The following CEPT1 variants were observed in gnomAD, a reference collection of about 807,000 sequenced individuals.
The protein encoded by CEPT1 is choline/ethanolamine phosphotransferase 1, also known as choline/ethanolaminephosphotransferase 1.
In CEPT1, 7 loss-of-function variants were observed where a neutral mutation model predicts 42.6. The observed-to-expected ratio is 0.16, with a 90% confidence interval of 0.09 to 0.31. CEPT1 has a LOEUF of 0.31. Among genes scored for constraint, CEPT1 ranks in the 10% least tolerant of loss-of-function variants. The pLI, the probability that CEPT1 is intolerant of heterozygous loss-of-function variation, is 1.00. For missense variants in CEPT1, 306 were observed against 502.1 expected, an observed-to-expected ratio of 0.61 and a Z score of 3.73; for synonymous variants, 171 against 171.9, an observed-to-expected ratio of 0.99 and a Z score of 0.04.
In CEPT1 at chr1:111,161,072, T is replaced by C. The variant is rs1369655615; in HGVS notation, c.488-83T>C. On this transcript the variant is annotated intron_variant, in intron 3 of 8. Coordinates refer to ENST00000357172, the MANE Select transcript of CEPT1 (RefSeq NM_006090.5). ...GAAGATTATGCATTTACAGCATATC[T>C]TTTTGTCTCATCTAAAATCATTTCC... 6 of 1,422,320 alleles carry C rather than the reference T, an allele frequency of 4.2e-6. No individual in the cohort carries two copies. The African/African-American group carries it at 7.0e-5, about 17-fold the overall frequency. The allele number at this position is 1,422,320 out of a possible 1,614,324, so 88.1% of individuals were successfully genotyped here.
At position 111,149,048 on chromosome 1, in the gene CEPT1, A is replaced by G. The variant is rs145443141; in HGVS notation, c.339+995A>G. Among the ~76,000 whole-genome samples the G allele has an allele frequency of 2.0e-5, 3 of 152,292 alleles. No individual in the cohort carries two copies. The East Asian group carries it at 5.8e-4, about 29-fold the overall frequency. On this transcript the variant is annotated intron_variant, in intron 2 of 8. Coordinates refer to ENST00000357172, the MANE Select transcript of CEPT1 (RefSeq NM_006090.5). ...TGTCCTTTGAGATAAAATTACCACC[A>G]TTCAACCCTCTATTCTTTTCTGTTT...
At chr1:111,151,124 G>GT (rs1265169405) in intron 2 of CEPT1, among the ~76,000 whole-genome samples, 10 of 140,674 alleles carry the variant, frequency 7.1e-5, no homozygotes, top group African/African-American at 1.8e-4. Context: ...GTTTTTTTTT[G>GT]TTTGTTTTTT....
chr1:111,145,229 T>G (rs1017230694), intron 1 of CEPT1, among the ~76,000 whole-genome samples: 1 of 152,210 alleles, frequency 6.6e-6, no homozygotes, highest in Non-Finnish European at 1.5e-5. Context: ...TTGGCCAGGC[T>G]GGTCTCGAAC....
intron 2 of CEPT1, among the ~76,000 whole-genome samples, chr1:111,152,822 C>T (rs774415993): frequency 2.3e-4 from 35 of 151,964 alleles, no homozygotes; most frequent in Non-Finnish European, 4.3e-4. Flanking sequence ...TATATATGCC[C>T]GCCAAAATCT....
intron 4 of CEPT1, chr1:111,166,997 CAAG>C (rs1656175817): frequency 6.3e-6 from 2 of 318,266 alleles, no homozygotes; most frequent in Non-Finnish European, 9.1e-6. Flanking sequence ...GGTGTCTTTG[CAAG>C]AAGAATGCTA....
At chr1:111,160,969 A>T in intron 3 of CEPT1, 186 bp from the exon 4 acceptor site, 1 of 615,674 alleles carries the variant, frequency 1.6e-6, no homozygotes, top group Non-Finnish European at 2.7e-6. Context: ...AAAAAAAAAA[A>T]AGAGAGATTG....
chr1:111,178,122 T>G (rs1487988858), intron 5 of CEPT1: 1 of 152,208 alleles, frequency 6.6e-6, no homozygotes, highest in Non-Finnish European at 1.5e-5. Context: ...CATATTGAGC[T>G]CTCACATTTT....
At chr1:111,183,188 T>G (rs1341269919) in intron 7 of CEPT1, among the ~76,000 whole-genome samples, 1 of 152,224 alleles carries the variant, frequency 6.6e-6, no homozygotes, top group Non-Finnish European at 1.5e-5. Context: ...ATCCACTGTT[T>G]AATTTGGTTA....
chr1:111,159,864 T>C (rs1271276985), intron 3 of CEPT1: 1 of 176,410 alleles, frequency 5.7e-6, no homozygotes, highest in African/African-American at 2.4e-5. Flanking sequence ...TCTTCATATA[T>C]TTAAATGAAT....
At chr1:111,139,613 T>C (rs1360623956), upstream of CEPT1, 2 of 152,254 alleles carry the variant, frequency 1.3e-5, no homozygotes, top group Non-Finnish European at 1.5e-5. Flanking sequence ...GACCGCTGAT[T>C]TTCTCCGGAA....
intron 1 of CEPT1, among the ~76,000 whole-genome samples, chr1:111,146,307 T>C (rs1654961143): frequency 6.6e-6 from 1 of 152,118 alleles, no homozygotes; most frequent in Non-Finnish European, 1.5e-5. Flanking sequence ...TACTTAAAAG[T>C]CACATGTATA....
At chr1:111,145,197 G>A (rs1009717369) in intron 1 of CEPT1, among the ~76,000 whole-genome samples, 1 of 152,062 alleles carries the variant, frequency 6.6e-6, no homozygotes, top group Non-Finnish European at 1.5e-5. Context: ...TATATTTTTA[G>A]TAGAGACGGG....
chr1:111,174,868 T>A lies in CEPT1; in HGVS notation c.630-11T>A. The A allele has an allele frequency of 6.3e-7, 1 of 1,585,272 alleles. No homozygotes were observed. The highest frequency in any genetic ancestry group is 8.7e-7 in the Non-Finnish European group (1 of 1,154,126). On this transcript the variant is annotated splice_polypyrimidine_tract_variant and intron_variant, in intron 4 of 8. Coordinates refer to ENST00000357172, the MANE Select transcript of CEPT1 (RefSeq NM_006090.5). ...CTAATTCTGCTCTTTTGGCTTTTTG[T>A]ACCTAATCAGAATTGATGTGACTGA...
chr1:111,182,898 C>A lies in CEPT1; in HGVS notation c.946C>A (p.Pro316Thr). Residue 316 changes from proline (P) to threonine (T), a missense_variant, in exon 7 of 9, where the codon CCC (proline) becomes ACC (threonine). Physicochemically the swap from Pro to Thr is conservative, Grantham distance 38. This residue lies in a region of CEPT1 where 253 missense variants were observed against 447.3 expected (regional missense o/e 0.57). Transcript: ENST00000357172. ...TGCAGTTCAGCTTTTTGAAAAGCAT[C>A]CCTGTCTTTATATACTGACATTTGG... ...KSAVQLFEKHPCLYILTFGFV... is the reference protein window; with the variant it reads ...KSAVQLFEKHTCLYILTFGFV... 1 of 1,613,790 alleles carries A rather than the reference C, an allele frequency of 6.2e-7. No individual in the cohort carries two copies. The highest frequency in any genetic ancestry group is 1.7e-5 in the Admixed American group (1 of 60,026).
Position 111,161,266 on chromosome 1 carries a change from C to T in CEPT1, c.599C>T (p.Thr200Met), listed in dbSNP as rs148174312. 6.2e-7 allele frequency: 1 copy of T among 1,612,548 alleles called. No homozygotes were observed. Among genetic ancestry groups the T allele is most frequent in the Non-Finnish European group, 8.5e-7 (1 of 1,179,552 alleles). ...TFMFYCAHWQ[T>M]YVSGTLRFGI... ...ATGTTCTATTGTGCGCACTGGCAAA[C>T]GTATGTTTCTGGAACATTGCGATTT... Residue 200 changes from threonine to methionine, a missense_variant, in exon 4 of 9, where the codon ACG (threonine) becomes ATG (methionine). By Grantham distance (81) the Thr-to-Met change is moderately conservative. This residue lies in a region of CEPT1 where 253 missense variants were observed against 447.3 expected (regional missense o/e 0.57). Transcript: ENST00000357172.
intron 4 of CEPT1, among the ~76,000 whole-genome samples, chr1:111,170,526 C>T (rs1302827932): frequency 2.0e-5 from 3 of 152,134 alleles, no homozygotes; most frequent in South Asian, 4.2e-4. Flanking sequence ...CTAAGATTAC[C>T]ATGTCCAGTT....
intron 2 of CEPT1, among the ~76,000 whole-genome samples, chr1:111,152,358 T>C (rs1655326139): frequency 6.6e-6 from 1 of 152,070 alleles, no homozygotes; most frequent in Admixed American, 6.5e-5. Context: ...GTTAAAAAAA[T>C]GCAAAGAGTG....
rs763010701 is a variant in CEPT1 at position 111,147,944 on chromosome 1, G to C, written c.230G>C (p.Arg77Thr). Residue 77 changes from arginine (R) to threonine (T), a missense_variant, in exon 2 of 9, where the codon AGA becomes ACA. Coordinates refer to ENST00000357172, the MANE Select transcript of CEPT1 (RefSeq NM_006090.5). ...CAAGGGTATTGGGAATGGCTCGTTA[G>C]AAGAGTTCCCTCCTGGATTGCCCCA... Reference protein sequence around the residue: ...LMQGYWEWLVRRVPSWIAPNL... With the variant: ...LMQGYWEWLVTRVPSWIAPNL... The C allele has an allele frequency of 2.5e-6, 4 of 1,614,086 alleles. No individual in the cohort carries two copies. Among genetic ancestry groups the C allele is most frequent in the Admixed American group, 3.3e-5 (2 of 60,010 alleles).
intron 4 of CEPT1, 151 bp from the exon 5 acceptor site, chr1:111,174,728 A>C (rs1656590924): frequency 1.9e-6 from 1 of 514,196 alleles, no homozygotes; most frequent in African/African-American, 1.9e-5. Flanking sequence ...TGCTCATAAC[A>C]AATTTTTGAT....
Sources: allele counts gnomAD v4.1 joint callset (sites outside exome capture counted in the v4.1 genomes callset), GRCh38; gene constraint gnomAD v4.1.1; regional missense constraint gnomAD v4.1.1; transcripts MANE v1.5; gene names NCBI Gene and HGNC (gene_info 2026-07-23, HGNC 2026-07-21).